Variants in CEP43 observed in about 807,000 individuals in gnomAD.
CEP43 encodes the protein centrosomal protein 43, also known as FGFR1 oncogene partner.
In CEP43, 36 loss-of-function variants were observed where a neutral mutation model predicts 52.6. The observed-to-expected ratio is 0.68, with a 90% CI of 0.52 to 0.90. The LOEUF (loss-of-function observed/expected upper bound fraction) is 0.90, where lower values mean the gene tolerates loss of function less well. Among genes scored for constraint, CEP43 ranks in the 40% least tolerant of loss-of-function variants. The probability of loss-of-function intolerance (pLI) is 0.00; values close to 1 mark genes in which losing one functional copy is unlikely to be tolerated. For missense variants in CEP43, 506 were observed against 472.8 expected (o/e 1.07, Z -0.65); for synonymous variants, 192 against 172.4 (o/e 1.11, Z -0.89).
intron 1 of CEP43, 173 bp from the exon 2 acceptor site, chr6:166,999,887 A>G (rs1199693873): frequency 3.4e-6 from 2 of 584,588 alleles, no homozygotes; most frequent in Admixed American, 3.3e-5. Context: ...GTCCAGCCGA[A>G]GCCTGGGGGT....
rs1003007086 is a variant in CEP43 at position 167,051,307 on chromosome 6, A to T, written c.*11329A>T. On this transcript the variant is annotated 3_prime_UTR_variant, in exon 13 of 13. Coordinates refer to ENST00000366847, the MANE Select transcript of CEP43 (RefSeq NM_007045.4). Reference sequence around the variant, plus strand: ...GAATTCAGGCCCCTCACTTCCTCCTAACCTGGTAGCCTTTCATTAGTTTTA... The same window carrying T: ...GAATTCAGGCCCCTCACTTCCTCCTTACCTGGTAGCCTTTCATTAGTTTTA... 2 of 152,208 alleles carry T rather than the reference A, an allele frequency of 1.3e-5. No individual in the cohort carries two copies. The highest frequency in any genetic ancestry group is 2.9e-5 in the Non-Finnish European group (2 of 68,032). The allele number at this position is 152,208 out of a possible 1,614,324, so 9.4% of individuals were successfully genotyped here.
intron 12 of CEP43, chr6:167,035,946 T>C: frequency 1.9e-6 from 1 of 536,386 alleles, no homozygotes; most frequent in Non-Finnish European, 2.4e-6. Context: ...GAGATAAGCG[T>C]GTAAAGCATA....
At chr6:167,015,052 A>G (rs1179226875) in intron 7 of CEP43, among the ~76,000 whole-genome samples, 1 of 152,214 alleles carries the variant, frequency 6.6e-6, no homozygotes, top group African/African-American at 2.4e-5. Flanking sequence ...TGTGGTTTTC[A>G]CTTTGTGTGA....
At chr6:167,032,360 T>C (rs1780487210) in intron 10 of CEP43, among the ~76,000 whole-genome samples, 1 of 152,226 alleles carries the variant, frequency 6.6e-6, no homozygotes, top group Non-Finnish European at 1.5e-5. Flanking sequence ...TTAATTGCCT[T>C]AGAGTACCCG....
chr6:167,010,799 C>T lies in CEP43; in HGVS notation c.439-14C>T. The T allele has an allele frequency of 7.2e-7, 1 of 1,395,746 alleles. No homozygotes were observed. Among genetic ancestry groups the T allele is most frequent in the Admixed American group, 2.7e-5 (1 of 37,666 alleles). 86.5% of individuals were successfully genotyped at this position (1,395,746 alleles called of 1,614,324 possible). A position where few individuals can be genotyped will look rare whatever the true frequency, so the allele number is the denominator to read the frequency against. On this transcript the variant is annotated splice_polypyrimidine_tract_variant and intron_variant, in intron 5 of 12. Transcript: ENST00000366847. ...TTTTTAAATGTATTTTAATTTTAAA[C>T]TAAAATATTTTAGGGTGCACTTGAT...
intron 7 of CEP43, among the ~76,000 whole-genome samples, chr6:167,014,438 G>T (rs1272534209): frequency 6.6e-6 from 1 of 152,280 alleles, no homozygotes; most frequent in South Asian, 2.1e-4. Context: ...AGCTGCTTAT[G>T]AAATTTAAAT....
rs776309969 is a variant in CEP43, at chr6:167,051,113, G to C, written c.*11135G>C. ...GACCAGTTGAGCCAAGAATTCAAGA[G>C]GTACAGGTTCAAGTAGGGCCATCTG... On this transcript the variant is annotated 3_prime_UTR_variant, in exon 13 of 13. Transcript: ENST00000366847. 6 of 152,124 alleles carry C rather than the reference G, an allele frequency of 3.9e-5. No homozygotes were observed. Among genetic ancestry groups the C allele is most frequent in the Middle Eastern group, 3.2e-3 (1 of 316 alleles). 9.4% of individuals were successfully genotyped at this position (152,124 alleles called of 1,614,324 possible). A position where few individuals can be genotyped will look rare whatever the true frequency, so the allele number is the denominator to read the frequency against.
At chr6:167,004,863 A>G (rs1479065722) in intron 5 of CEP43, among the ~76,000 whole-genome samples, 1 of 152,252 alleles carries the variant, frequency 6.6e-6, no homozygotes, top group East Asian at 1.9e-4. Context: ...TTTTGGACTT[A>G]AAGGCCTCTT....
intron 7 of CEP43, among the ~76,000 whole-genome samples, chr6:167,016,348 C>G (rs1562527032): frequency 1.3e-5 from 2 of 152,174 alleles, no homozygotes; most frequent in South Asian, 4.1e-4. Flanking sequence ...CACTTGTCCT[C>G]CTGGGGTCAA....
chr6:167,023,194 C>T (rs941143039), intron 8 of CEP43, among the ~76,000 whole-genome samples: 2 of 151,984 alleles, frequency 1.3e-5, no homozygotes, highest in Admixed American at 6.6e-5. Flanking sequence ...AGATGGGGAT[C>T]GGATGAGGTG....
At chr6:167,030,441 A>G (rs1277427767) in intron 10 of CEP43, among the ~76,000 whole-genome samples, 4 of 152,196 alleles carry the variant, frequency 2.6e-5, no homozygotes, top group African/African-American at 9.7e-5. Flanking sequence ...GGTTTCTGGC[A>G]AGCACTTGCA....
chr6:167,035,176 T>C (rs1342488979), intron 12 of CEP43, among the ~76,000 whole-genome samples: 1 of 152,238 alleles, frequency 6.6e-6, no homozygotes, highest in African/African-American at 2.4e-5. Context: ...GGCACATCAA[T>C]GTTCCTAGGA....
intron 10 of CEP43, chr6:167,028,242 T>C: frequency 2.0e-6 from 2 of 985,448 alleles, no homozygotes; most frequent in Non-Finnish European, 2.4e-6. Context: ...AAAGCGAGGG[T>C]TTTCCCTCCT....
At chr6:167,021,232 A>T (rs1358049339) in intron 7 of CEP43, among the ~76,000 whole-genome samples, 1 of 152,172 alleles carries the variant, frequency 6.6e-6, no homozygotes, top group Non-Finnish European at 1.5e-5. Flanking sequence ...GCCATTTTTA[A>T]CCCATAAAGC....
At position 167,041,349 on chromosome 6, in the gene CEP43, A is replaced by G; in HGVS notation, c.*1371A>G. ...ATTTAAGTGAAACTAAGCTGTAAACATCAAGAGGAAGTAGGACATAAACTG... is the reference window on the plus strand; with the variant it reads ...ATTTAAGTGAAACTAAGCTGTAAACGTCAAGAGGAAGTAGGACATAAACTG... On this transcript the variant is annotated 3_prime_UTR_variant, in exon 13 of 13. Transcript: ENST00000366847. 1 of 1,058,210 alleles carries G rather than the reference A, an allele frequency of 9.4e-7. No individual in the cohort carries two copies. Among genetic ancestry groups the G allele is most frequent in the African/African-American group, 1.6e-5 (1 of 60,798 alleles). The allele number at this position is 1,058,210 out of a possible 1,614,324, so 65.6% of individuals were successfully genotyped here.
chr6:167,010,146 A>G (rs1350148474), intron 5 of CEP43, among the ~76,000 whole-genome samples: 2 of 152,256 alleles, frequency 1.3e-5, no homozygotes, highest in Non-Finnish European at 2.9e-5. Flanking sequence ...ACAGTGTCCT[A>G]GAGCTTGTGC....
chr6:167,034,635 C>T (rs1388275428), intron 12 of CEP43, among the ~76,000 whole-genome samples: 6 of 152,120 alleles, frequency 3.9e-5, no homozygotes, highest in Admixed American at 2.6e-4. Context: ...TGGTGGGATT[C>T]TCCAAGCGCT....
In CEP43 at chr6:167,051,277, T is replaced by G. The variant is rs1235544135; in HGVS notation, c.*11299T>G. The G allele has an allele frequency of 2.6e-5, 4 of 152,240 alleles. No homozygotes were observed. The highest frequency in any genetic ancestry group is 5.9e-5 in the Non-Finnish European group (4 of 68,044). The allele number at this position is 152,240 out of a possible 1,614,324, so 9.4% of individuals were successfully genotyped here. On this transcript the variant is annotated 3_prime_UTR_variant, in exon 13 of 13. Transcript: ENST00000366847. Reference sequence around the variant, plus strand: ...GGTGGTAATCTTTACACCTATATCTTAGTAGAATTCAGGCCCCTCACTTCC... The same window carrying G: ...GGTGGTAATCTTTACACCTATATCTGAGTAGAATTCAGGCCCCTCACTTCC...
intron 5 of CEP43, among the ~76,000 whole-genome samples, chr6:167,010,200 A>G (rs1266220340): frequency 2.0e-5 from 3 of 152,238 alleles, no homozygotes; most frequent in Non-Finnish European, 2.9e-5. Flanking sequence ...TTTAAGAAAC[A>G]TTTTAAAAAC....
Sources: allele counts gnomAD v4.1 joint callset (sites outside exome capture counted in the v4.1 genomes callset), GRCh38; gene constraint gnomAD v4.1.1; transcripts MANE v1.5; gene names NCBI Gene and HGNC (gene_info 2026-07-23, HGNC 2026-07-21).